Variants in CUX1 observed in about 807,000 individuals in gnomAD.
The protein encoded by CUX1 is cut like homeobox 1.
A neutral mutation model predicts 158.8 loss-of-function variants in CUX1; 31 were observed. The ratio of observed to expected loss-of-function variants is 0.20; its 90% CI spans 0.15 to 0.26. The LOEUF is 0.26. CUX1 is among the 10% of genes least tolerant of loss of function. CUX1 has a pLI of 1.00. For synonymous variants in CUX1, 879 were observed against 862.1 expected, an observed-to-expected ratio of 1.02 and a Z score of -0.34; for missense variants, 1,589 against 2,014.6, an observed-to-expected ratio of 0.79 and a Z score of 4.04.
intron 3 of CUX1, among the ~76,000 whole-genome samples, chr7:102,036,756 A>G (rs1364728816): frequency 6.8e-6 from 1 of 146,774 alleles, no homozygotes; most frequent in East Asian, 2.8e-4. Context: ...AAACAAGCAA[A>G]CAAACAAAAA....
At chr7:102,165,883 C>T (rs1240957526) in intron 9 of CUX1, among the ~76,000 whole-genome samples, 5 of 152,170 alleles carry the variant, frequency 3.3e-5, no homozygotes, top group African/African-American at 1.2e-4. Flanking sequence ...TCCCCTGGGT[C>T]TCACGGTGGA....
At position 102,015,705 on chromosome 7, in the gene CUX1, T is replaced by C. The variant is rs143287413; in HGVS notation, c.142-12393T>C. 2.0e-3 allele frequency among the ~76,000 whole-genome samples: 300 copies of C among 152,334 alleles called. 1 individual carries two copies. The highest frequency in any genetic ancestry group is 6.8e-3 in the African/African-American group (282 of 41,582). On this transcript the variant is annotated intron_variant, in intron 2 of 23. Transcript: ENST00000292535. The stretch of plus-strand genomic sequence containing the variant: ...AGACTGTAAACAAGCTTTATAAAAG[T>C]TCGTGGCTCCTTTCACTCATCCACC...
intron 23 of CUX1, among the ~76,000 whole-genome samples, chr7:102,247,021 G>T (rs1716260652): frequency 6.6e-6 from 1 of 152,116 alleles, no homozygotes; most frequent in South Asian, 2.1e-4. Context: ...AACATCATGA[G>T]ATCCTGTCTC....
chr7:101,873,324 TA>T (rs1798788037), intron 1 of CUX1, among the ~76,000 whole-genome samples: 1 of 143,664 alleles, frequency 7.0e-6, no homozygotes, highest in African/African-American at 2.6e-5. Flanking sequence ...CTATTTTTCC[TA>T]ATGCTATCCC....
In CUX1 at chr7:102,141,197, G is replaced by A. The variant is rs551104903; in HGVS notation, c.675-17363G>A. Among the ~76,000 whole-genome samples, 11 of 152,268 alleles carry A rather than the reference G, an allele frequency of 7.2e-5. No individual in the cohort carries two copies. In the South Asian group the frequency reaches 1.7e-3, roughly 23 times the overall value. ...CCCTAAAAAAGGTACTTAGCCTGCC[G>A]AAAGGCAGACTTTCGGTGCCAGCGA... On this transcript the variant is annotated intron_variant, in intron 8 of 23. Coordinates refer to ENST00000292535, the MANE Select transcript of CUX1 (RefSeq NM_181552.4).
intron 4 of CUX1, among the ~76,000 whole-genome samples, chr7:102,070,759 A>C (rs1205903355): frequency 3.9e-5 from 6 of 152,098 alleles, no homozygotes; most frequent in African/African-American, 1.4e-4. Context: ...AGTCCCTCAT[A>C]TTGCCCAAAG....
intron 9 of CUX1, among the ~76,000 whole-genome samples, chr7:102,165,537 G>A (rs1790932426): frequency 6.6e-6 from 1 of 151,870 alleles, no homozygotes; most frequent in Non-Finnish European, 1.5e-5. Context: ...GCTAATTTTT[G>A]TATTTTTAGT....
At chr7:101,904,117 AACACACACACAC>A (rs10622369) in intron 1 of CUX1, among the ~76,000 whole-genome samples, 6 of 143,860 alleles carry the variant, frequency 4.2e-5, no homozygotes, top group South Asian at 2.3e-4. Flanking sequence ...GTCTTTACAA[AACACACACACAC>A]ACACACACAC....
chr7:102,033,627 A>C (rs1454782333), intron 3 of CUX1, among the ~76,000 whole-genome samples: 1 of 152,242 alleles, frequency 6.6e-6, no homozygotes, highest in Non-Finnish European at 1.5e-5. Context: ...TTAAAGAAGA[A>C]ACAGACAACT....
Position 102,197,113 on chromosome 7 carries a change from A to G in CUX1, c.1702A>G (p.Asn568Asp), listed in dbSNP as rs1554518615. ...GGTCAAAGAGCAGCTGATTAAGCAC[A>G]ATATCGGACAACGTATTTTCGGACA... ...RQVKEQLIKH[N>D]IGQRIFGHYV... The change falls in exon 15 of 24, where the codon AAT becomes GAT. Residue 568 changes from asparagine to aspartate, a missense_variant. Coordinates refer to ENST00000292535, the MANE Select transcript of CUX1 (RefSeq NM_181552.4). 6.2e-7 allele frequency: 1 copy of G among 1,614,246 alleles called. No individual in the cohort carries two copies. Among genetic ancestry groups the G allele is most frequent in the Admixed American group, 1.7e-5 (1 of 60,028 alleles).
rs1157597036 is a variant in CUX1, at chr7:102,249,706, TAAAAA to T, written c.*666_*670del. On this transcript the variant is annotated 3_prime_UTR_variant, in exon 24 of 24. Coordinates refer to ENST00000292535, the MANE Select transcript of CUX1 (RefSeq NM_181552.4). ...GGGGGGTGGGATTTTTCAGAAAAAT[TAAAAA>T]AGAAAGTTTTTGTAGCTGTTCAGTT... 1.0e-6 allele frequency: 1 copy of T among 983,332 alleles called. No homozygotes were observed. Among genetic ancestry groups the T allele is most frequent in the African/African-American group, 1.8e-5 (1 of 56,768 alleles). The allele number at this position is 983,332 out of a possible 1,614,324, so 60.9% of individuals were successfully genotyped here.
At chr7:101,820,004 A>G (rs1238797995) in intron 1 of CUX1, among the ~76,000 whole-genome samples, 1 of 152,218 alleles carries the variant, frequency 6.6e-6, no homozygotes, top group Admixed American at 6.5e-5. Flanking sequence ...GAAACCTTTA[A>G]TGGCTATTTA....
At position 102,003,680 on chromosome 7, in the gene CUX1, G is replaced by A. The variant is rs144066862; in HGVS notation, c.142-24418G>A. ...TGATTTCTCATCCCTGGAATGGGGT[G>A]TTTGCAGCCTCGTAGGTTGCTATGG... On this transcript the variant is annotated intron_variant, in intron 2 of 23. Coordinates refer to ENST00000292535, the MANE Select transcript of CUX1 (RefSeq NM_181552.4). Among the ~76,000 whole-genome samples, 21 of 152,296 alleles carry A rather than the reference G, an allele frequency of 1.4e-4. No individual in the cohort carries two copies. The East Asian group carries it at 3.5e-3, about 25-fold the overall frequency.
intron 8 of CUX1, among the ~76,000 whole-genome samples, chr7:102,142,724 C>A (rs1360632055): frequency 6.6e-6 from 1 of 151,978 alleles, no homozygotes; most frequent in African/African-American, 2.4e-5. Flanking sequence ...GAGTTCAAGA[C>A]CAGCCTGGCC....
chr7:101,984,148 ATGTGTG>A (rs71119798), intron 2 of CUX1, among the ~76,000 whole-genome samples: 802 of 75,310 alleles, frequency 0.011, 42 homozygotes, highest in East Asian at 0.039. Context: ...ACATATATAT[ATGTGTG>A]TGTGTGTGTG....
intron 3 of CUX1, among the ~76,000 whole-genome samples, chr7:102,039,910 G>A (rs1219940848): frequency 6.6e-6 from 1 of 151,984 alleles, no homozygotes; most frequent in African/African-American, 2.4e-5. Flanking sequence ...CCTGAGGGAG[G>A]GACCAAGGAA....
At chr7:102,122,793 T>C (rs1554493883) in intron 8 of CUX1, among the ~76,000 whole-genome samples, 2 of 152,112 alleles carry the variant, frequency 1.3e-5, no homozygotes, top group Admixed American at 1.3e-4. Context: ...CCTTCATTGA[T>C]GTTTAGGGAA....
chr7:102,276,522 G>C (rs1734742), intron 17 of CUX1, among the ~76,000 whole-genome samples: 5 of 152,262 alleles, frequency 3.3e-5, no homozygotes, highest in Admixed American at 3.3e-4. Flanking sequence ...GGCTGGTCTC[G>C]AACTCCTGAC....
At chr7:101,891,049 A>G (rs1800828843) in intron 1 of CUX1, among the ~76,000 whole-genome samples, 1 of 151,906 alleles carries the variant, frequency 6.6e-6, no homozygotes, top group East Asian at 1.9e-4. Context: ...ATACTTCTCT[A>G]TGGCAGTATC....
Sources: gnomAD v4.1 joint callset for allele counts (sites outside exome capture counted in the v4.1 genomes callset) on GRCh38, gnomAD v4.1.1 for gene constraint, MANE v1.5 for transcripts, NCBI Gene and HGNC (gene_info 2026-07-23, HGNC 2026-07-21) for gene names.